Variants in CMTM4 observed in about 807,000 individuals in gnomAD.
The protein encoded by CMTM4 is CKLF like MARVEL transmembrane domain containing 4.
CMTM4 carries 8 observed loss-of-function variants against 19.0 expected under a neutral mutation model. That is an observed-to-expected ratio of 0.42 (90% CI 0.25 to 0.76). The LOEUF (loss-of-function observed/expected upper bound fraction) is 0.76, where lower values mean the gene tolerates loss of function less well. CMTM4 is among the 30% of genes least tolerant of loss of function. CMTM4 has a pLI of 0.27. For missense variants in CMTM4, 228 were observed against 290.2 expected (o/e 0.79, Z 1.56); for synonymous variants, 106 against 121.1 (o/e 0.88, Z 0.82).
At chr16:66,603,514 C>T in the CMTM4 span, among the ~76,000 whole-genome samples, 2 of 152,078 alleles carry the variant, frequency 1.3e-5, no homozygotes, top group African/African-American at 2.4e-5. Flanking sequence ...GTCTCGAACT[C>T]CTGACCTCGT....
chr16:66,617,090 C>T lies in CMTM4; in HGVS notation c.*4968G>A, dbSNP rs560112051. The T allele has an allele frequency of 5.0e-5, 26 of 523,358 alleles. No homozygotes were observed. The highest frequency in any genetic ancestry group is 1.4e-4 in the Admixed American group (4 of 28,544). 32.4% of individuals were successfully genotyped at this position (523,358 alleles called of 1,614,324 possible). ...TCAAACTTTAAAAGTTTCAATAGCTCCCTGGGGGTCCAAGCCAAAGGCTCC... is the reference window on the plus strand; with the variant it reads ...TCAAACTTTAAAAGTTTCAATAGCTTCCTGGGGGTCCAAGCCAAAGGCTCC... On this transcript the variant is annotated 3_prime_UTR_variant, in exon 4 of 4. Coordinates refer to ENST00000394106, the MANE Select transcript of CMTM4 (RefSeq NM_181521.3).
chr16:66,604,480 C>T, the CMTM4 span: 2 of 219,860 alleles, frequency 9.1e-6, no homozygotes, highest in Non-Finnish European at 1.8e-5. Context: ...TAGGGGCAGA[C>T]GGGTGGGAGC....
In CMTM4 at chr16:66,636,567, A is replaced by C. The variant is rs748624909; in HGVS notation, c.201T>G (p.Ile67Met). 9.4e-5 allele frequency: 151 copies of C among 1,614,038 alleles called. No homozygotes were observed. The highest frequency in any genetic ancestry group is 1.2e-4 in the Non-Finnish European group (147 of 1,179,986). ...LKVAQVILAL[I>M]AFICIETIMA... ...TGATGGTCTCTATGCAGATGAATGC[A>C]ATCAGGGCCAAGATCTAGGAAGAAA... The change falls in exon 2 of 4, where the codon ATT becomes ATG. Residue 67 changes from isoleucine (I) to methionine (M), a missense_variant. Transcript: ENST00000394106.
intron 1 of CMTM4, among the ~76,000 whole-genome samples, chr16:66,695,498 G>A (rs1243256364): frequency 6.6e-6 from 1 of 152,208 alleles, no homozygotes; most frequent in African/African-American, 2.4e-5. Context: ...CCACAACAGA[G>A]CTAAGCAATT....
downstream of CMTM4, among the ~76,000 whole-genome samples, chr16:66,611,448 C>T (rs954800012): frequency 2.0e-5 from 3 of 151,930 alleles, no homozygotes; most frequent in African/African-American, 7.2e-5. Flanking sequence ...GACTCCATCT[C>T]GGGGGGAAAA....
rs2017240676 is a variant in CMTM4 at position 66,696,541 on chromosome 16, G to A, written c.-16C>T. On this transcript the variant is annotated 5_prime_UTR_variant, in exon 1 of 4. Transcript: ENST00000394106. The surrounding 1 kb of genome is among the most constrained non-coding windows in gnomAD (Gnocchi z 4.3). The stretch of plus-strand genomic sequence containing the variant: ...CGCTCCGCATGCTGCCGCCCGGCCC[G>A]GGCCGCCTCGCGCGGCTGGCTCCCG... 2.8e-5 allele frequency: 33 copies of A among 1,178,554 alleles called. No individual in the cohort carries two copies. Among genetic ancestry groups the A allele is most frequent in the Non-Finnish European group, 3.2e-5 (31 of 954,164 alleles). 73.0% of individuals were successfully genotyped at this position (1,178,554 alleles called of 1,614,324 possible).
intron 1 of CMTM4, among the ~76,000 whole-genome samples, chr16:66,680,373 G>A (rs1307058347): frequency 1.3e-5 from 2 of 151,830 alleles, no homozygotes; most frequent in African/African-American, 4.8e-5. Flanking sequence ...CAGCTACTCG[G>A]GAGGCTGAGG....
rs1165660392 is a variant in CMTM4 at position 66,616,903 on chromosome 16, G to C, written c.*5155C>G. 6.0e-6 allele frequency: 1 copy of C among 165,622 alleles called. No individual in the cohort carries two copies. The highest frequency in any genetic ancestry group is 2.4e-5 in the African/African-American group (1 of 41,652). 10.3% of individuals were successfully genotyped at this position (165,622 alleles called of 1,614,324 possible). On this transcript the variant is annotated 3_prime_UTR_variant, in exon 4 of 4. Coordinates refer to ENST00000394106, the MANE Select transcript of CMTM4 (RefSeq NM_181521.3). ...TGTCATCCTAAGGCAACTCAGACGT[G>C]ATAGTTTTAGACTATGATCAAATCT...
At chr16:66,683,860 A>G (rs1433368934) in intron 1 of CMTM4, among the ~76,000 whole-genome samples, 1 of 152,094 alleles carries the variant, frequency 6.6e-6, no homozygotes, top group East Asian at 1.9e-4. Context: ...AACAGAGCCA[A>G]GTGGGAATCT....
intron 1 of CMTM4, among the ~76,000 whole-genome samples, chr16:66,648,176 C>T (rs1332863081): frequency 6.6e-6 from 1 of 152,176 alleles, no homozygotes; most frequent in African/African-American, 2.4e-5. Flanking sequence ...ATGAGATGTT[C>T]CAGAGACCTC....
At position 66,616,907 on chromosome 16, in the gene CMTM4, G is replaced by A. The variant is rs1473487974; in HGVS notation, c.*5151C>T. On this transcript the variant is annotated 3_prime_UTR_variant, in exon 4 of 4. Transcript: ENST00000394106. ...ATCCTAAGGCAACTCAGACGTGATA[G>A]TTTTAGACTATGATCAAATCTCACA... is the stretch of plus-strand genomic sequence containing the variant. 5.8e-6 allele frequency: 1 copy of A among 172,972 alleles called. No homozygotes were observed. The highest frequency in any genetic ancestry group is 2.4e-5 in the African/African-American group (1 of 41,756). 10.7% of individuals were successfully genotyped at this position (172,972 alleles called of 1,614,324 possible).
intron 1 of CMTM4, among the ~76,000 whole-genome samples, chr16:66,694,800 C>G (rs140954733): frequency 6.6e-6 from 1 of 151,592 alleles, no homozygotes; most frequent in African/African-American, 2.4e-5. Context: ...AACTAAAAAC[C>G]AATGCATCTT....
rs1263708877 is a variant in CMTM4, at chr16:66,617,291, A to G, written c.*4767T>C. On this transcript the variant is annotated 3_prime_UTR_variant, in exon 4 of 4. Coordinates refer to ENST00000394106, the MANE Select transcript of CMTM4 (RefSeq NM_181521.3). Reference sequence around the variant, plus strand: ...TCTGAACTTTTCTAGGCAAGTTGCCAGTGATTCAAACTCAGCAGGTTTGTG... The same window carrying G: ...TCTGAACTTTTCTAGGCAAGTTGCCGGTGATTCAAACTCAGCAGGTTTGTG... 1.9e-6 allele frequency: 3 copies of G among 1,614,124 alleles called. No homozygotes were observed. The highest frequency in any genetic ancestry group is 2.5e-6 in the Non-Finnish European group (3 of 1,180,006).
At position 66,617,079 on chromosome 16, in the gene CMTM4, T is replaced by C. The variant is rs1845445795; in HGVS notation, c.*4979A>G. 1 of 480,974 alleles carries C rather than the reference T, an allele frequency of 2.1e-6. No homozygotes were observed. Among genetic ancestry groups the C allele is most frequent in the Non-Finnish European group, 3.6e-6 (1 of 274,520 alleles). The allele number at this position is 480,974 out of a possible 1,614,324, so 29.8% of individuals were successfully genotyped here. On this transcript the variant is annotated 3_prime_UTR_variant, in exon 4 of 4. Coordinates refer to ENST00000394106, the MANE Select transcript of CMTM4 (RefSeq NM_181521.3). ...TACTCCTAAACTCAAACTTTAAAAG[T>C]TTCAATAGCTCCCTGGGGGTCCAAG...
chr16:66,638,479 CA>C (rs2016038327), intron 1 of CMTM4, among the ~76,000 whole-genome samples: 1 of 152,198 alleles, frequency 6.6e-6, no homozygotes, highest in South Asian at 2.1e-4. Flanking sequence ...TACAAAATTT[CA>C]GTTAGACAGG....
At chr16:66,674,427 C>T (rs2016767724) in intron 1 of CMTM4, among the ~76,000 whole-genome samples, 1 of 152,112 alleles carries the variant, frequency 6.6e-6, no homozygotes, top group Non-Finnish European at 1.5e-5. Context: ...CACAAAGGCC[C>T]CTCGGTGCAC....
chr16:66,688,459 A>G (rs1480230605), intron 1 of CMTM4, among the ~76,000 whole-genome samples: 3 of 152,004 alleles, frequency 2.0e-5, no homozygotes, highest in Admixed American at 2.0e-4. Context: ...GTGAACAAGT[A>G]GCTTGCCAAA....
intron 1 of CMTM4, among the ~76,000 whole-genome samples, chr16:66,638,931 A>G (rs977388649): frequency 5.9e-5 from 9 of 151,448 alleles, no homozygotes; most frequent in Non-Finnish European, 1.3e-4. Flanking sequence ...AAAAAAAAAA[A>G]CAAAGGTAAG....
chr16:66,696,412 GC>G lies in CMTM4; in HGVS notation c.113del (p.Arg38ProfsTer25). ...GGTCGCAGCGCAGGCCGGCCAGCCCGCGGCGCTGGCTCACCGGCTCGGTGGT... is the reference window on the plus strand; with the variant it reads ...GGTCGCAGCGCAGGCCGGCCAGCCCGGGCGCTGGCTCACCGGCTCGGTGGT... ...QPTTEPVSQR[R>X]GLAGLRCDPD... On this transcript the variant is annotated frameshift_variant, in exon 1 of 4. Coordinates refer to ENST00000394106, the MANE Select transcript of CMTM4 (RefSeq NM_181521.3). LOFTEE classifies it high-confidence loss of function. This position sits in a 1 kb window ranked among gnomAD's most constrained non-coding sequence, Gnocchi z 4.3. 7.1e-7 allele frequency: 1 copy of G among 1,406,744 alleles called. No individual in the cohort carries two copies. The highest frequency in any genetic ancestry group is 2.9e-5 in the Admixed American group (1 of 34,088). The allele number at this position is 1,406,744 out of a possible 1,614,324, so 87.1% of individuals were successfully genotyped here.
Sources: allele counts gnomAD v4.1 joint callset (sites outside exome capture counted in the v4.1 genomes callset), GRCh38; gene constraint gnomAD v4.1.1; non-coding constraint Gnocchi (gnomAD v3.1); transcripts MANE v1.5; gene names NCBI Gene and HGNC (gene_info 2026-07-23, HGNC 2026-07-21).